The following WWC2 variants were observed in gnomAD, a reference collection of about 807,000 sequenced individuals.
WWC2 encodes protein WWC2.
WWC2 carries 101 observed loss-of-function variants against 138.5 expected under a neutral mutation model. The observed-to-expected ratio is 0.73, with a 90% CI of 0.62 to 0.86. The LOEUF (loss-of-function observed/expected upper bound fraction) is 0.86, where lower values mean the gene tolerates loss of function less well. Ranked by LOEUF, WWC2 falls within the 40% of genes least tolerant of loss-of-function variation. The probability of loss-of-function intolerance (pLI) is 0.00; values close to 1 mark genes in which losing one functional copy is unlikely to be tolerated. For synonymous variants in WWC2, 558 were observed against 538.4 expected (o/e 1.04, Z -0.50); for missense variants, 1,420 against 1,419.4 (o/e 1.00, Z -0.01).
chr4:183,127,402 G>T (rs541167455), intron 1 of WWC2, among the ~76,000 whole-genome samples: 1 of 152,122 alleles, frequency 6.6e-6, no homozygotes, highest in African/African-American at 2.4e-5. Context: ...AATATTGCTT[G>T]ATATCACTTA....
intron 4 of WWC2, among the ~76,000 whole-genome samples, chr4:183,216,460 A>G (rs1008101004): frequency 4.6e-5 from 7 of 152,220 alleles, no homozygotes; most frequent in Non-Finnish European, 7.4e-5. Context: ...AATCATGTGG[A>G]TATATTTTAA....
intron 17 of WWC2, chr4:183,282,504 T>C: frequency 5.1e-6 from 3 of 583,716 alleles, no homozygotes; most frequent in Non-Finnish European, 9.1e-6. Flanking sequence ...AGTACCACAT[T>C]ATGGTGATTT....
chr4:183,150,115 A>G (rs1021970157), intron 1 of WWC2, among the ~76,000 whole-genome samples: 2 of 152,170 alleles, frequency 1.3e-5, no homozygotes, highest in Admixed American at 6.5e-5. Flanking sequence ...TTGGACAGGG[A>G]GTGAGAGGTC....
chr4:183,249,873 T>C, intron 7 of WWC2, 47 bp from the exon 8 acceptor site: 1 of 1,489,984 alleles, frequency 6.7e-7, no homozygotes, highest in Non-Finnish European at 9.3e-7. Flanking sequence ...TTTACTTCAT[T>C]CATTAGCAGA....
intron 16 of WWC2, among the ~76,000 whole-genome samples, chr4:183,279,291 T>C (rs1386246028): frequency 6.6e-6 from 1 of 152,132 alleles, no homozygotes; most frequent in African/African-American, 2.4e-5. Flanking sequence ...TTGATTTGCG[T>C]ATATTGAACC....
At chr4:183,174,110 G>A (rs1441393363) in intron 1 of WWC2, among the ~76,000 whole-genome samples, 1 of 152,136 alleles carries the variant, frequency 6.6e-6, no homozygotes, top group Non-Finnish European at 1.5e-5. Context: ...ATGGGGCTTG[G>A]GATGCTTGCT....
chr4:183,175,167 A>T (rs536822147), intron 1 of WWC2, among the ~76,000 whole-genome samples: 88 of 152,366 alleles, frequency 5.8e-4, no homozygotes, highest in African/African-American at 2.0e-3. Context: ...AATTAAAAAA[A>T]TAGTTCCATA....
intron 1 of WWC2, among the ~76,000 whole-genome samples, chr4:183,151,432 G>T (rs1400438660): frequency 2.6e-5 from 4 of 152,204 alleles, no homozygotes; most frequent in African/African-American, 9.6e-5. Flanking sequence ...GTAGATTCTG[G>T]ATATTAGCCC....
chr4:183,108,697 G>A (rs1255073442), intron 1 of WWC2, among the ~76,000 whole-genome samples: 1 of 151,792 alleles, frequency 6.6e-6, no homozygotes, highest in East Asian at 1.9e-4. Context: ...TGCAGCCTCA[G>A]CCTCCCGGGT....
chr4:183,303,848 A>G (rs1285172109), intron 21 of WWC2, among the ~76,000 whole-genome samples: 1 of 151,914 alleles, frequency 6.6e-6, no homozygotes, highest in African/African-American at 2.4e-5. Context: ...TTTTTAAACT[A>G]TATAGTACAT....
At chr4:183,182,240 T>G (rs1232879914) in intron 1 of WWC2, among the ~76,000 whole-genome samples, 1 of 152,212 alleles carries the variant, frequency 6.6e-6, no homozygotes, top group Non-Finnish European at 1.5e-5. Context: ...AGGTGTGCCA[T>G]GTGTCATTTC....
intron 11 of WWC2, among the ~76,000 whole-genome samples, chr4:183,261,838 G>C (rs989196449): frequency 1.1e-4 from 16 of 152,204 alleles, no homozygotes; most frequent in African/African-American, 3.9e-4. Context: ...GTAGATTCCA[G>C]TTCTGAAATA....
rs547691860 is a variant in WWC2 at position 183,275,308 on chromosome 4, T to C, written c.2562+4067T>C. 4.5e-3 allele frequency among the ~76,000 whole-genome samples: 682 copies of C among 152,180 alleles called. 4 individuals are homozygous for C. Among genetic ancestry groups the C allele is most frequent in the Non-Finnish European group, 7.9e-3 (537 of 67,992 alleles). On this transcript the variant is annotated intron_variant, in intron 16 of 22. Coordinates refer to ENST00000403733, the MANE Select transcript of WWC2 (RefSeq NM_024949.6). ...GTCATATGCCTTTTATTTCTTTTTC[T>C]TGCCTATTTGCCCTGGCTAGAACTT... is the stretch of plus-strand genomic sequence containing the variant.
chr4:183,184,507 T>C (rs1290968578), intron 1 of WWC2, among the ~76,000 whole-genome samples: 1 of 152,238 alleles, frequency 6.6e-6, no homozygotes, highest in African/African-American at 2.4e-5. Context: ...GAAGTAGTAT[T>C]GTGGGATCAT....
At chr4:183,236,968 G>A (rs1348793567) in intron 4 of WWC2, among the ~76,000 whole-genome samples, 1 of 151,604 alleles carries the variant, frequency 6.6e-6, no homozygotes, top group African/African-American at 2.4e-5. Context: ...CAATCTTTTG[G>A]CTTCCCTGGG....
intron 6 of WWC2, among the ~76,000 whole-genome samples, chr4:183,247,002 A>G (rs1736800565): frequency 6.6e-6 from 1 of 152,214 alleles, no homozygotes; most frequent in South Asian, 2.1e-4. Context: ...AAAAGATTAG[A>G]TCCCTTTTCA....
intron 4 of WWC2, among the ~76,000 whole-genome samples, chr4:183,230,086 AATTAAATTGGG>A (rs1736198058): frequency 6.6e-6 from 1 of 152,062 alleles, no homozygotes; most frequent in African/African-American, 2.4e-5. Context: ...CGGCCTCTCA[AATTAAATTGGG>A]ATTAGAAGCG....
intron 4 of WWC2, among the ~76,000 whole-genome samples, chr4:183,230,467 A>C (rs1490104245): frequency 6.6e-6 from 1 of 152,238 alleles, no homozygotes; most frequent in Non-Finnish European, 1.5e-5. Flanking sequence ...ACTTGAGGTC[A>C]GGAGTTCGAG....
intron 2 of WWC2, among the ~76,000 whole-genome samples, chr4:183,203,015 C>A (rs1281279327): frequency 6.6e-6 from 1 of 152,148 alleles, no homozygotes; most frequent in Non-Finnish European, 1.5e-5. Context: ...GGTTTAAGAA[C>A]CTGCTCAAGG....
Sources: allele counts gnomAD v4.1 joint callset (sites outside exome capture counted in the v4.1 genomes callset), GRCh38; gene constraint gnomAD v4.1.1; transcripts MANE v1.5; gene names NCBI Gene and HGNC (gene_info 2026-07-23, HGNC 2026-07-21).